Variants in SNTG1 observed in about 807,000 individuals in gnomAD.
SNTG1 encodes gamma-1-syntrophin.
In SNTG1, 39 loss-of-function variants were observed where a neutral mutation model predicts 74.7. The ratio of observed to expected loss-of-function variants is 0.52; its 90% confidence interval spans 0.40 to 0.68. The LOEUF is 0.68. Ranked by LOEUF, SNTG1 falls within the 30% of genes least tolerant of loss-of-function variation. The pLI, the probability that SNTG1 is intolerant of heterozygous loss-of-function variation, is 0.00. For missense variants in SNTG1, 685 were observed against 609.5 expected, an observed-to-expected ratio of 1.12 and a Z score of -1.30; for synonymous variants, 254 against 217.1, an observed-to-expected ratio of 1.17 and a Z score of -1.49.
At chr8:50,527,124 T>G (rs1348425823) in intron 9 of SNTG1, among the ~76,000 whole-genome samples, 1 of 152,228 alleles carries the variant, frequency 6.6e-6, no homozygotes, top group Non-Finnish European at 1.5e-5. Context: ...GTGTGATTAT[T>G]GGCCATGTGC....
intron 5 of SNTG1, among the ~76,000 whole-genome samples, chr8:50,441,154 T>C (rs2093354364): frequency 1.3e-5 from 2 of 152,056 alleles, no homozygotes; most frequent in African/African-American, 4.8e-5. Context: ...TTTTGTTGAT[T>C]AATATGTCTC....
intron 17 of SNTG1, among the ~76,000 whole-genome samples, chr8:50,717,922 A>C (rs1313511198): frequency 6.6e-6 from 1 of 152,196 alleles, no homozygotes; most frequent in Non-Finnish European, 1.5e-5. Flanking sequence ...AAGATGTCGA[A>C]GGGGCACTGT....
At chr8:50,207,222 T>A (rs185038563) in intron 2 of SNTG1, among the ~76,000 whole-genome samples, 1 of 152,352 alleles carries the variant, frequency 6.6e-6, no homozygotes, top group East Asian at 1.9e-4. Context: ...GGTAAGCTAT[T>A]AATTATTGCC....
chr8:50,769,752 A>G (rs1018251410), intron 18 of SNTG1, among the ~76,000 whole-genome samples: 1 of 152,076 alleles, frequency 6.6e-6, no homozygotes, highest in African/African-American at 2.4e-5. Flanking sequence ...TATTCACCAA[A>G]TAATTTAATA....
chr8:49,981,700 A>C (rs184633160), intron 1 of SNTG1, among the ~76,000 whole-genome samples: 98 of 152,316 alleles, frequency 6.4e-4, no homozygotes, highest in Non-Finnish European at 7.5e-4. Context: ...ATAATTGTTG[A>C]AATACTATAA....
intron 2 of SNTG1, among the ~76,000 whole-genome samples, chr8:50,273,666 G>A (rs755685012): frequency 6.6e-6 from 1 of 152,146 alleles, no homozygotes; most frequent in Non-Finnish European, 1.5e-5. Context: ...CCTGGGGCTG[G>A]CATTTAAACA....
chr8:49,995,879 C>T (rs1176377081), intron 1 of SNTG1, among the ~76,000 whole-genome samples: 1 of 152,156 alleles, frequency 6.6e-6, no homozygotes, highest in Non-Finnish European at 1.5e-5. Flanking sequence ...TACTCTTATG[C>T]CCTAAAGTTT....
chr8:50,351,297 T>C (rs571905440), intron 2 of SNTG1, among the ~76,000 whole-genome samples: 4 of 152,296 alleles, frequency 2.6e-5, no homozygotes, highest in East Asian at 1.9e-4. Context: ...ACAAGTTGGG[T>C]ACTTTGATGG....
chr8:50,671,088 C>A (rs1471335595), intron 15 of SNTG1, among the ~76,000 whole-genome samples: 20 of 151,674 alleles, frequency 1.3e-4, no homozygotes, highest in Admixed American at 1.1e-3. Flanking sequence ...ACCATAAAAA[C>A]CCTAGAAGAA....
At chr8:50,081,872 C>A (rs1424942718) in intron 1 of SNTG1, among the ~76,000 whole-genome samples, 1 of 152,132 alleles carries the variant, frequency 6.6e-6, no homozygotes, top group African/African-American at 2.4e-5. Context: ...ACCTCGAGAT[C>A]CACTCACCTC....
intron 18 of SNTG1, among the ~76,000 whole-genome samples, chr8:50,781,451 T>C (rs1198054978): frequency 1.3e-5 from 2 of 151,176 alleles, no homozygotes; most frequent in East Asian, 1.9e-4. Context: ...CCGTTTACCA[T>C]TATGTAATGG....
chr8:50,642,994 T>C (rs1303706497), intron 13 of SNTG1, among the ~76,000 whole-genome samples: 1 of 152,148 alleles, frequency 6.6e-6, no homozygotes, highest in Non-Finnish European at 1.5e-5. Flanking sequence ...ACCAATCATC[T>C]GAAAATGTCA....
At chr8:50,285,422 T>A (rs12676022) in intron 2 of SNTG1, among the ~76,000 whole-genome samples, 1 of 151,954 alleles carries the variant, frequency 6.6e-6, no homozygotes, top group East Asian at 1.9e-4. Flanking sequence ...CTCCAGCCTG[T>A]GAGACAGAGT....
At chr8:50,369,944 C>T (rs765162412) in intron 2 of SNTG1, among the ~76,000 whole-genome samples, 2 of 152,180 alleles carry the variant, frequency 1.3e-5, no homozygotes, top group Non-Finnish European at 2.9e-5. Flanking sequence ...GCCAATGACT[C>T]TATTTCTAAT....
chr8:50,689,885 T>G (rs184720261), intron 15 of SNTG1, among the ~76,000 whole-genome samples: 49 of 152,306 alleles, frequency 3.2e-4, no homozygotes, highest in African/African-American at 1.2e-3. Context: ...TCCTGGACAT[T>G]TTTTGGTTGG....
rs180791155 is a variant in SNTG1, at chr8:50,716,614, G to A, written c.1284+7636G>A. On this transcript the variant is annotated intron_variant, in intron 17 of 18. Coordinates refer to ENST00000642720, the MANE Select transcript of SNTG1 (RefSeq NM_018967.5). ...CAAGTATTTCAAAGATAGCCCTAAA[G>A]TAAATATTCAAAAAAATTTAAACAA... Among the ~76,000 whole-genome samples the A allele has an allele frequency of 1.7e-3, 265 of 151,710 alleles. 2 individuals carry two copies. Among genetic ancestry groups the A allele is most frequent in the Middle Eastern group, 6.9e-3 (2 of 290 alleles).
At chr8:50,507,845 C>T (rs1016205576) in intron 9 of SNTG1, among the ~76,000 whole-genome samples, 1 of 151,710 alleles carries the variant, frequency 6.6e-6, no homozygotes, top group African/African-American at 2.4e-5. Context: ...TCCCCACACC[C>T]CCAAACAAGC....
chr8:50,281,215 T>C lies in SNTG1; in HGVS notation c.-28+108580T>C, dbSNP rs551945618. ...TCCTACTGCAACAAAGAGTCTGTTTTGTCAGTCTTAAGATCTCTGTTTTAA... is the reference window on the plus strand; with the variant it reads ...TCCTACTGCAACAAAGAGTCTGTTTCGTCAGTCTTAAGATCTCTGTTTTAA... On this transcript the variant is annotated intron_variant, in intron 2 of 18. Coordinates refer to ENST00000642720, the MANE Select transcript of SNTG1 (RefSeq NM_018967.5). Among the ~76,000 whole-genome samples the C allele has an allele frequency of 4.6e-5, 7 of 152,192 alleles. No homozygotes were observed. In the South Asian group the frequency reaches 1.5e-3, roughly 32 times the overall value.
chr8:50,522,021 A>G (rs2094183669), intron 9 of SNTG1, among the ~76,000 whole-genome samples: 1 of 152,176 alleles, frequency 6.6e-6, no homozygotes, highest in African/African-American at 2.4e-5. Context: ...TCTTAATAGT[A>G]TCAACAATGG....
Sources: gnomAD v4.1 joint callset for allele counts (sites outside exome capture counted in the v4.1 genomes callset) on GRCh38, gnomAD v4.1.1 for gene constraint, MANE v1.5 for transcripts, NCBI Gene and HGNC (gene_info 2026-07-23, HGNC 2026-07-21) for gene names.